The following DOCK1 variants were observed in gnomAD, a reference collection of about 807,000 sequenced individuals.
DOCK1 encodes the protein dedicator of cytokinesis 1, also known as dedicator of cytokinesis protein 1.
In DOCK1, 138 loss-of-function variants were observed where a neutral mutation model predicts 262.7. The observed-to-expected ratio is 0.53, with a 90% CI of 0.46 to 0.61. The LOEUF is 0.61. DOCK1 is among the 20% of genes least tolerant of loss of function. The pLI, the probability that DOCK1 is intolerant of heterozygous loss-of-function variation, is 0.00. For synonymous variants in DOCK1, 866 were observed against 867.4 expected, an observed-to-expected ratio of 1.00 and a Z score of 0.03; for missense variants, 1,908 against 2,370.7, an observed-to-expected ratio of 0.80 and a Z score of 4.05.
intron 1 of DOCK1, among the ~76,000 whole-genome samples, chr10:126,949,123 G>A (rs1360044510): frequency 3.9e-5 from 6 of 152,064 alleles, no homozygotes; most frequent in Non-Finnish European, 4.4e-5. Context: ...CTTGCTGCCT[G>A]CCTGGCACTC....
intron 27 of DOCK1, among the ~76,000 whole-genome samples, chr10:127,245,470 GC>G (rs1207601431): frequency 1.3e-5 from 2 of 152,186 alleles, no homozygotes; most frequent in Non-Finnish European, 2.9e-5. Flanking sequence ...TAAACAAGGG[GC>G]CGCGTGGTTG....
chr10:127,097,692 TA>T, intron 23 of DOCK1, among the ~76,000 whole-genome samples: 1 of 152,334 alleles, frequency 6.6e-6, no homozygotes, highest in South Asian at 2.1e-4. Flanking sequence ...AGCCAGGACT[TA>T]AACTGCCATT....
intron 29 of DOCK1, among the ~76,000 whole-genome samples, chr10:127,289,161 C>T (rs75359448): frequency 0.02 from 3,003 of 152,242 alleles, 108 homozygotes; most frequent in African/African-American, 0.067. Flanking sequence ...CACACAAACA[C>T]GCACACACAG....
At chr10:127,336,832 C>T (rs909322845) in intron 29 of DOCK1, among the ~76,000 whole-genome samples, 3 of 152,206 alleles carry the variant, frequency 2.0e-5, no homozygotes, top group Admixed American at 6.5e-5. Context: ...AGCCACCGCG[C>T]CCAGCTGACA....
chr10:127,281,215 G>T (rs543995818), intron 29 of DOCK1, among the ~76,000 whole-genome samples: 1 of 152,176 alleles, frequency 6.6e-6, no homozygotes. Context: ...TAAAGCTCGG[G>T]CTTTCCTAAA....
chr10:127,322,166 A>G (rs958871240), intron 29 of DOCK1, among the ~76,000 whole-genome samples: 2 of 148,010 alleles, frequency 1.4e-5, no homozygotes, highest in Non-Finnish European at 3.0e-5. Flanking sequence ...AGATTGGCAC[A>G]CACATAATTT....
At chr10:127,201,763 C>T (rs1424200532) in intron 27 of DOCK1, among the ~76,000 whole-genome samples, 3 of 152,164 alleles carry the variant, frequency 2.0e-5, no homozygotes, top group Non-Finnish European at 2.9e-5. Context: ...CCTCTCCTTT[C>T]TTTTAGGCGG....
chr10:127,068,516 T>TGG (rs3070183), intron 23 of DOCK1, among the ~76,000 whole-genome samples: 1 of 152,070 alleles, frequency 6.6e-6, no homozygotes, highest in South Asian at 2.1e-4. Context: ...CAAGTCCTGG[T>TGG]TTGCATTAAA....
rs1439738836 is a variant in DOCK1 at position 127,248,223 on chromosome 10, CTGAT to C, written c.2949+120_2949+123del. The C allele has an allele frequency of 2.4e-5, 23 of 954,314 alleles. 1 individual carries two copies. The highest frequency in any genetic ancestry group is 1.3e-5 in the Non-Finnish European group (8 of 632,714). The allele number at this position is 954,314 out of a possible 1,614,324, so 59.1% of individuals were successfully genotyped here. A position where few individuals can be genotyped will look rare whatever the true frequency, so the allele number is the denominator to read the frequency against. ...TAGGATTTTGCATGAGAACTTGTCTCTGATTGATTTCAAATGCCTCCTGGGAAGG... is the reference window on the plus strand; with the variant it reads ...TAGGATTTTGCATGAGAACTTGTCTCTGATTTCAAATGCCTCCTGGGAAGG... On this transcript the variant is annotated intron_variant, in intron 28 of 51. Transcript: ENST00000623213.
chr10:127,004,261 C>G (rs2185403), intron 10 of DOCK1, among the ~76,000 whole-genome samples: 131,118 of 145,326 alleles, frequency 0.9, 59,175 homozygotes, highest in South Asian at 0.94. Flanking sequence ...GAAAAGAAAA[C>G]AAAACAAAAC....
intron 1 of DOCK1, among the ~76,000 whole-genome samples, chr10:126,907,431 G>T (rs2031073775): frequency 6.6e-6 from 1 of 152,188 alleles, no homozygotes; most frequent in Non-Finnish European, 1.5e-5. Context: ...GGCCATCACT[G>T]CTCCCATTCT....
chr10:127,017,876 T>C (rs1185983372), intron 12 of DOCK1, among the ~76,000 whole-genome samples: 1 of 152,186 alleles, frequency 6.6e-6, no homozygotes, highest in African/African-American at 2.4e-5. Context: ...AATGTGTGGC[T>C]TGTTTCCTTG....
chr10:127,063,659 A>G (rs1305539275), intron 23 of DOCK1, among the ~76,000 whole-genome samples: 1 of 152,216 alleles, frequency 6.6e-6, no homozygotes, highest in Non-Finnish European at 1.5e-5. Flanking sequence ...CATTTTAGAA[A>G]AACAGACGTG....
intron 1 of DOCK1, among the ~76,000 whole-genome samples, chr10:126,941,548 A>G (rs1446734832): frequency 6.6e-6 from 1 of 152,166 alleles, no homozygotes; most frequent in Non-Finnish European, 1.5e-5. Flanking sequence ...CGAGGTCAGG[A>G]GATCGAGACC....
At chr10:127,183,999 G>T (rs545937771) in intron 27 of DOCK1, among the ~76,000 whole-genome samples, 1 of 152,190 alleles carries the variant, frequency 6.6e-6, no homozygotes, top group South Asian at 2.1e-4. Flanking sequence ...GTCTTCGAAG[G>T]TTTATCTCTT....
At chr10:127,038,380 A>G (rs2043795631) in intron 19 of DOCK1, among the ~76,000 whole-genome samples, 1 of 152,272 alleles carries the variant, frequency 6.6e-6, no homozygotes, top group Admixed American at 6.5e-5. Flanking sequence ...TCCTCTTCCC[A>G]TAGGTCCTCA....
intron 25 of DOCK1, among the ~76,000 whole-genome samples, chr10:127,117,510 T>A (rs1305774714): frequency 6.6e-6 from 1 of 152,238 alleles, no homozygotes; most frequent in Non-Finnish European, 1.5e-5. Flanking sequence ...AAATTAAATG[T>A]ATAAAGTATA....
chr10:127,106,412 T>C, intron 24 of DOCK1, 111 bp downstream of exon 24: 1 of 1,109,158 alleles, frequency 9.0e-7, no homozygotes, highest in African/African-American at 1.6e-5. Context: ...CATATGTCAG[T>C]GCCCTGGATC....
chr10:127,176,081 C>T lies in DOCK1; in HGVS notation c.2847+48317C>T. 1 of 1,614,158 alleles carries T rather than the reference C, an allele frequency of 6.2e-7. No homozygotes were observed. The highest frequency in any genetic ancestry group is 8.5e-7 in the Non-Finnish European group (1 of 1,180,024). Reference sequence around the variant, plus strand: ...ACTTCTTAAGGTCGGGCGAGGTCTGCACGCCTGTGCTCTTGGTGACGTTGG... The same window carrying T: ...ACTTCTTAAGGTCGGGCGAGGTCTGTACGCCTGTGCTCTTGGTGACGTTGG... On this transcript the variant is annotated intron_variant, in intron 27 of 51. Coordinates refer to ENST00000623213, the MANE Select transcript of DOCK1 (RefSeq NM_001290223.2). The surrounding 1 kb of genome is among the most constrained non-coding windows in gnomAD (Gnocchi z 4.4).
Sources: allele counts gnomAD v4.1 joint callset (sites outside exome capture counted in the v4.1 genomes callset), GRCh38; gene constraint gnomAD v4.1.1; non-coding constraint Gnocchi (gnomAD v3.1); transcripts MANE v1.5; gene names NCBI Gene and HGNC (gene_info 2026-07-23, HGNC 2026-07-21).